PDSS2: variants seen among roughly 807,000 people sequenced by gnomAD.
PDSS2 encodes the protein decaprenyl diphosphate synthase subunit 2.
PDSS2 carries 31 observed loss-of-function variants against 44.5 expected under a neutral mutation model. The observed-to-expected ratio is 0.70, with a 90% CI of 0.52 to 0.94. The LOEUF (loss-of-function observed/expected upper bound fraction) is 0.94. Ranked by LOEUF, PDSS2 falls within the 40% of genes least tolerant of loss-of-function variation. PDSS2 has a pLI of 0.00. For synonymous variants in PDSS2, 157 were observed against 180.3 expected, an observed-to-expected ratio of 0.87 and a Z score of 1.03; for missense variants, 452 against 482.2, an observed-to-expected ratio of 0.94 and a Z score of 0.59.
At chr6:107,163,056 CT>C (rs1210720086) in intron 7 of PDSS2, among the ~76,000 whole-genome samples, 2 of 152,130 alleles carry the variant, frequency 1.3e-5, no homozygotes, top group Non-Finnish European at 2.9e-5. Context: ...ACACTTTAAT[CT>C]TTTTTCTGCT....
chr6:107,225,164 T>TATATATATATATATATA (rs1289535741), intron 4 of PDSS2, among the ~76,000 whole-genome samples: 2 of 42,952 alleles, frequency 4.7e-5, no homozygotes, highest in African/African-American at 1.3e-4. Flanking sequence ...TATATATATT[T>TATATATATATATATATA]TTTTTTTTTT....
intron 3 of PDSS2, among the ~76,000 whole-genome samples, chr6:107,247,839 T>TAAAAAAAAAAA (rs10648723): frequency 1.1e-5 from 1 of 88,022 alleles, no homozygotes; most frequent in Non-Finnish European, 2.1e-5. Context: ...CTGTCTCTAC[T>TAAAAAAAAAAA]AAAAAAAAAA....
chr6:107,361,603 C>T (rs972331425), intron 1 of PDSS2, among the ~76,000 whole-genome samples: 2 of 152,048 alleles, frequency 1.3e-5, no homozygotes, highest in African/African-American at 2.4e-5. Flanking sequence ...TAAAAGACTA[C>T]CAATTAAGGC....
chr6:107,187,193 G>A (rs1772198936), intron 7 of PDSS2, among the ~76,000 whole-genome samples: 2 of 152,144 alleles, frequency 1.3e-5, no homozygotes, highest in African/African-American at 4.8e-5. Context: ...ATTTAAGTCT[G>A]TTTAAGGCTG....
At chr6:107,272,033 G>C (rs979502782) in intron 3 of PDSS2, among the ~76,000 whole-genome samples, 16 of 150,978 alleles carry the variant, frequency 1.1e-4, no homozygotes, top group Non-Finnish European at 1.9e-4. Context: ...CTCCAGCCTA[G>C]GTTACAGAGT....
intron 6 of PDSS2, among the ~76,000 whole-genome samples, chr6:107,201,726 T>C (rs963679824): frequency 1.3e-5 from 2 of 152,170 alleles, no homozygotes; most frequent in African/African-American, 4.8e-5. Flanking sequence ...AGACTAATCA[T>C]CTCTACTTAT....
chr6:107,251,796 T>G (rs1247482200), intron 3 of PDSS2, among the ~76,000 whole-genome samples: 1 of 152,122 alleles, frequency 6.6e-6, no homozygotes, highest in East Asian at 1.9e-4. Flanking sequence ...AATAGGCCGA[T>G]AAAGGTAACC....
intron 1 of PDSS2, among the ~76,000 whole-genome samples, chr6:107,432,673 G>A (rs998825379): frequency 5.3e-5 from 8 of 152,078 alleles, no homozygotes; most frequent in African/African-American, 1.7e-4. Flanking sequence ...CATGACAATC[G>A]CTTGAACCCA....
At chr6:107,169,493 C>A (rs1283595802) in intron 7 of PDSS2, among the ~76,000 whole-genome samples, 3 of 152,180 alleles carry the variant, frequency 2.0e-5, no homozygotes, top group Non-Finnish European at 2.9e-5. Flanking sequence ...AAGTCATTCT[C>A]CATCCAGCGT....
rs782566816 is a variant in PDSS2, at chr6:107,154,571, T to C, written c.*48A>G. On this transcript the variant is annotated 3_prime_UTR_variant, in exon 8 of 8. Coordinates refer to ENST00000369037, the MANE Select transcript of PDSS2 (RefSeq NM_020381.4). ...TGAAAGCGCTCCCAATCAACCTCATTCCCTAGGATTTTCAGCTAACTAACA... is the reference window on the plus strand; with the variant it reads ...TGAAAGCGCTCCCAATCAACCTCATCCCCTAGGATTTTCAGCTAACTAACA... 6.3e-7 allele frequency: 1 copy of C among 1,584,676 alleles called. No individual in the cohort carries two copies. Among genetic ancestry groups the C allele is most frequent in the South Asian group, 1.1e-5 (1 of 90,278 alleles).
intron 2 of PDSS2, among the ~76,000 whole-genome samples, chr6:107,309,253 A>G (rs1432779640): frequency 6.6e-6 from 1 of 152,190 alleles, no homozygotes; most frequent in Non-Finnish European, 1.5e-5. Context: ...TCTGAGCACA[A>G]TGCCCTGCTG....
Position 107,448,483 on chromosome 6 carries a change from T to G in PDSS2, c.296+10507A>C, listed in dbSNP as rs1413432863. ...AAAGCATAGCAAGAGTGACCTTTAC[T>G]CCAGTTCCCAACAAGTTTCTCATTT... On this transcript the variant is annotated intron_variant, in intron 1 of 7. Coordinates refer to ENST00000369037, the MANE Select transcript of PDSS2 (RefSeq NM_020381.4). 6.6e-5 allele frequency among the ~76,000 whole-genome samples: 10 copies of G among 152,186 alleles called. No individual in the cohort carries two copies. The East Asian group carries it at 1.9e-3, about 29-fold the overall frequency.
chr6:107,267,845 C>T (rs1775462075), intron 3 of PDSS2, among the ~76,000 whole-genome samples: 1 of 151,850 alleles, frequency 6.6e-6, no homozygotes, highest in Non-Finnish European at 1.5e-5. Flanking sequence ...CTCCCACCTC[C>T]ATCTCCCAAA....
At chr6:107,433,124 G>C (rs1158355369) in intron 1 of PDSS2, among the ~76,000 whole-genome samples, 3 of 151,930 alleles carry the variant, frequency 2.0e-5, no homozygotes, top group African/African-American at 7.3e-5. Flanking sequence ...ATCCAGGATG[G>C]AAAAGCTCCA....
At chr6:107,299,076 G>T (rs548927056) in intron 2 of PDSS2, among the ~76,000 whole-genome samples, 1 of 138,992 alleles carries the variant, frequency 7.2e-6, no homozygotes, top group East Asian at 2.4e-4. Flanking sequence ...GAGCCTGGGA[G>T]GTTGAAGCTG....
chr6:107,458,897 G>A (rs1418272132), intron 1 of PDSS2, 93 bp downstream of exon 1: 3 of 1,085,576 alleles, frequency 2.8e-6, no homozygotes, highest in Non-Finnish European at 4.2e-6. Flanking sequence ...GATAAATCAG[G>A]AGCCAGTCTG....
chr6:107,256,272 T>C (rs1170056412), intron 3 of PDSS2, among the ~76,000 whole-genome samples: 1 of 152,178 alleles, frequency 6.6e-6, no homozygotes, highest in Non-Finnish European at 1.5e-5. Flanking sequence ...ATTACAGGTG[T>C]GAGCCACGGT....
chr6:107,358,867 T>C (rs981672010), intron 1 of PDSS2, among the ~76,000 whole-genome samples: 7 of 152,090 alleles, frequency 4.6e-5, no homozygotes, highest in African/African-American at 1.7e-4. Context: ...TATTGGCAAA[T>C]GTCCCCAGGA....
At chr6:107,411,510 C>T (rs1308471072) in intron 1 of PDSS2, among the ~76,000 whole-genome samples, 1 of 152,048 alleles carries the variant, frequency 6.6e-6, no homozygotes, top group African/African-American at 2.4e-5. Flanking sequence ...GTTTAAGAGC[C>T]ATCTATACAA....
Sources: gnomAD v4.1 joint callset for allele counts (sites outside exome capture counted in the v4.1 genomes callset) on GRCh38, gnomAD v4.1.1 for gene constraint, MANE v1.5 for transcripts, NCBI Gene and HGNC (gene_info 2026-07-23, HGNC 2026-07-21) for gene names.